DGKB: variants seen among roughly 807,000 people sequenced by gnomAD.
The protein encoded by DGKB is 90 kDa diacylglycerol kinase.
DGKB carries 67 observed loss-of-function variants against 114.3 expected under a neutral mutation model. The ratio of observed to expected loss-of-function variants is 0.59; its 90% CI spans 0.48 to 0.72. The LOEUF (loss-of-function observed/expected upper bound fraction) is 0.72, where lower values mean the gene tolerates loss of function less well. DGKB is among the 30% of genes least tolerant of loss of function. DGKB has a pLI of 0.00. For missense variants in DGKB, 907 were observed against 975.2 expected, an observed-to-expected ratio of 0.93 and a Z score of 0.93; for synonymous variants, 398 against 323.1, an observed-to-expected ratio of 1.23 and a Z score of -2.49.
intron 1 of DGKB, among the ~76,000 whole-genome samples, chr7:14,920,426 C>T (rs975492278): frequency 2.6e-5 from 4 of 152,086 alleles, no homozygotes; most frequent in Non-Finnish European, 5.9e-5. Context: ...TAGGTAACTG[C>T]AAATTATAAG....
Position 14,555,248 on chromosome 7 carries a change from A to C in DGKB, c.1770+18964T>G, listed in dbSNP as rs574651027. Among the ~76,000 whole-genome samples the C allele has an allele frequency of 2.6e-5, 4 of 152,304 alleles. No individual in the cohort carries two copies. The South Asian group carries it at 8.3e-4, about 32-fold the overall frequency. On this transcript the variant is annotated intron_variant, in intron 20 of 25. Transcript: ENST00000402815. ...ATGATTTGATACTTCAACATCTAAC[A>C]AATATTAAATATTCTGTATCTCTGC...
At chr7:14,674,929 T>C (rs2128953331) in intron 12 of DGKB, among the ~76,000 whole-genome samples, 1 of 152,254 alleles carries the variant, frequency 6.6e-6, no homozygotes, top group East Asian at 1.9e-4. Flanking sequence ...GCACCTATTA[T>C]ATGACATTTT....
intron 23 of DGKB, among the ~76,000 whole-genome samples, chr7:14,331,829 A>C (rs982613913): frequency 6.6e-6 from 1 of 152,084 alleles, no homozygotes; most frequent in Non-Finnish European, 1.5e-5. Flanking sequence ...GCTTTTCTTC[A>C]TAATTTCTGG....
chr7:14,635,857 C>G (rs1201489880), intron 13 of DGKB, among the ~76,000 whole-genome samples: 1 of 151,380 alleles, frequency 6.6e-6, no homozygotes, highest in Non-Finnish European at 1.5e-5. Context: ...TTTTATCTCC[C>G]TATAAAAACG....
intron 13 of DGKB, among the ~76,000 whole-genome samples, chr7:14,636,942 CTTTTT>C (rs1810863004): frequency 6.6e-6 from 1 of 151,792 alleles, no homozygotes; most frequent in South Asian, 2.1e-4. Context: ...AGAATAGCTT[CTTTTT>C]AAGAGAATAA....
intron 21 of DGKB, among the ~76,000 whole-genome samples, chr7:14,395,098 G>A (rs1822022063): frequency 6.6e-6 from 1 of 152,002 alleles, no homozygotes; most frequent in South Asian, 2.1e-4. Flanking sequence ...AGGTTATTTT[G>A]TGCTTTAAAA....
At chr7:14,564,534 A>G (rs543743814) in intron 20 of DGKB, among the ~76,000 whole-genome samples, 3 of 152,330 alleles carry the variant, frequency 2.0e-5, no homozygotes, top group African/African-American at 7.2e-5. Flanking sequence ...TCAGGGGAAG[A>G]AGATGTAGGT....
chr7:14,298,897 A>T (rs531448646), intron 23 of DGKB, among the ~76,000 whole-genome samples: 1 of 152,232 alleles, frequency 6.6e-6, no homozygotes, highest in South Asian at 2.1e-4. Flanking sequence ...TGAACAGACA[A>T]TTCTCAAAAG....
intron 9 of DGKB, among the ~76,000 whole-genome samples, chr7:14,693,502 A>G (rs1382424025): frequency 6.6e-6 from 1 of 151,788 alleles, no homozygotes; most frequent in Non-Finnish European, 1.5e-5. Flanking sequence ...AGGCGATAGA[A>G]TAAGAACCTG....
intron 17 of DGKB, among the ~76,000 whole-genome samples, chr7:14,596,038 C>G (rs901673824): frequency 6.6e-6 from 1 of 152,004 alleles, no homozygotes; most frequent in Non-Finnish European, 1.5e-5. Context: ...ACCATTGTTA[C>G]GTTAATAACA....
intron 23 of DGKB, among the ~76,000 whole-genome samples, chr7:14,334,359 C>CGTGT (rs1810283891): frequency 8.4e-6 from 1 of 118,852 alleles, no homozygotes; most frequent in African/African-American, 3.5e-5. Flanking sequence ...TATGTATATA[C>CGTGT]ATATGTGTGT....
At chr7:14,771,124 C>T (rs1190677259) in intron 2 of DGKB, among the ~76,000 whole-genome samples, 4 of 152,044 alleles carry the variant, frequency 2.6e-5, no homozygotes, top group Non-Finnish European at 4.4e-5. Flanking sequence ...GCACCTGGAC[C>T]CATCTGGTTA....
At chr7:14,667,113 C>A (rs545371841) in intron 13 of DGKB, among the ~76,000 whole-genome samples, 2 of 152,136 alleles carry the variant, frequency 1.3e-5, no homozygotes, top group Non-Finnish European at 2.9e-5. Flanking sequence ...AGAGGAGATG[C>A]TTACCTTGCT....
intron 20 of DGKB, among the ~76,000 whole-genome samples, chr7:14,537,795 A>G (rs1253759594): frequency 6.6e-6 from 1 of 152,112 alleles, no homozygotes; most frequent in Non-Finnish European, 1.5e-5. Flanking sequence ...AATACGTGGG[A>G]CTGGGCTGGG....
intron 20 of DGKB, among the ~76,000 whole-genome samples, chr7:14,511,513 A>T (rs1214360844): frequency 6.6e-6 from 1 of 152,202 alleles, no homozygotes; most frequent in Non-Finnish European, 1.5e-5. Flanking sequence ...AAATGTAGCT[A>T]GTTTGATCTT....
chr7:14,209,894 GT>G (rs1455653882), intron 23 of DGKB, among the ~76,000 whole-genome samples: 18 of 110,508 alleles, frequency 1.6e-4, no homozygotes, highest in African/African-American at 1.1e-3. Flanking sequence ...CCCTATGGCT[GT>G]CTTTTTTTTT....
intron 14 of DGKB, among the ~76,000 whole-genome samples, chr7:14,623,423 T>C (rs1032255042): frequency 2.0e-5 from 3 of 152,194 alleles, no homozygotes; most frequent in Non-Finnish European, 2.9e-5. Flanking sequence ...TTTAGAGTGA[T>C]CATTGCCCAA....
intron 15 of DGKB, among the ~76,000 whole-genome samples, chr7:14,620,776 G>A (rs10251321): frequency 9.0e-4 from 136 of 151,262 alleles, no homozygotes; most frequent in South Asian, 3.5e-3. Flanking sequence ...TGCCACAGGC[G>A]GTAAAGATAA....
At chr7:14,850,481 G>A (rs569816794) in intron 1 of DGKB, among the ~76,000 whole-genome samples, 20 of 152,270 alleles carry the variant, frequency 1.3e-4, no homozygotes, top group Admixed American at 3.3e-4. Context: ...ATAAGTCCCA[G>A]AAAGTCTGTG....
Sources: allele counts gnomAD v4.1 joint callset (sites outside exome capture counted in the v4.1 genomes callset), GRCh38; gene constraint gnomAD v4.1.1; transcripts MANE v1.5; gene names NCBI Gene and HGNC (gene_info 2026-07-23, HGNC 2026-07-21).